Variants in MYH6 observed in about 807,000 individuals in gnomAD.
MYH6 encodes the protein myosin-6.
MYH6 carries 126 observed loss-of-function variants against 223.2 expected under a neutral mutation model. That is an observed-to-expected ratio of 0.56 (90% CI 0.49 to 0.65). The LOEUF is 0.65. MYH6 is among the 30% of genes least tolerant of loss of function. MYH6 has a pLI of 0.00. For synonymous variants in MYH6, 978 were observed against 1,010.2 expected (o/e 0.97, Z 0.61); for missense variants, 2,040 against 2,536.4 (o/e 0.80, Z 4.20).
chr14:23,389,114 ATTCTC>A, intron 28 of MYH6, 59 bp from the exon 29 acceptor site: 1 of 1,526,502 alleles, frequency 6.6e-7, no homozygotes, highest in East Asian at 2.3e-5. Context: ...CATTCTCTAG[ATTCTC>A]TTCTTATGTA....
intron 9 of MYH6, 55 bp downstream of exon 9, chr14:23,403,658 CAG>C: frequency 1.3e-6 from 2 of 1,504,394 alleles, no homozygotes; most frequent in Non-Finnish European, 9.2e-7. Context: ...GGCCGCCAGG[CAG>C]GGAGAGAAGG....
At chr14:23,384,752 C>A (rs2138581877) in intron 35 of MYH6, 35 bp from the exon 36 acceptor site, 2 of 1,614,176 alleles carry the variant, frequency 1.2e-6, no homozygotes, top group Non-Finnish European at 1.7e-6. Context: ...GGAACATGGG[C>A]CAGGGGCCGG....
intron 25 of MYH6, among the ~76,000 whole-genome samples, chr14:23,391,587 G>A (rs1891238007): frequency 6.6e-6 from 1 of 152,218 alleles, no homozygotes; most frequent in African/African-American, 2.4e-5. Context: ...CCTGGGCCAT[G>A]GGCCTCAAGT....
In MYH6 at chr14:23,407,029, A is replaced by G. The variant is rs1891809767; in HGVS notation, c.195T>C (p.Asn65=). ...GGCGCCATGCCCTACTCACCTTCCCATTCTCGGTTTCAGCAATGACCTTGC... is the reference window on the plus strand; with the variant it reads ...GGCGCCATGCCCTACTCACCTTCCCGTTCTCGGTTTCAGCAATGACCTTGC... ...EGGKVIAETE[N]GKTVTVKEDQ... Residue 65 remains asparagine (N), a synonymous_variant, in exon 3 of 39, where the codon AAT becomes AAC. Coordinates refer to ENST00000405093, the MANE Select transcript of MYH6 (RefSeq NM_002471.4). The surrounding 1 kb of genome is among the most constrained non-coding windows in gnomAD (Gnocchi z 5.6). 1 of 1,612,510 alleles carries G rather than the reference A, an allele frequency of 6.2e-7. No individual in the cohort carries two copies. The highest frequency in any genetic ancestry group is 8.5e-7 in the Non-Finnish European group (1 of 1,179,432).
At chr14:23,397,970 C>A (rs548084038) in intron 15 of MYH6, among the ~76,000 whole-genome samples, 1 of 132,400 alleles carries the variant, frequency 7.6e-6, no homozygotes, top group Admixed American at 8.0e-5. Flanking sequence ...TCTTCTTCTT[C>A]TTCTTCTTCT....
At chr14:23,399,155 G>GC (rs1290875333) in intron 14 of MYH6, 118 bp from the exon 15 acceptor site, 2 of 1,246,604 alleles carry the variant, frequency 1.6e-6, no homozygotes, top group Admixed American at 1.9e-5. Flanking sequence ...TGCTGAAGGG[G>GC]CGCTGTGCTG....
chr14:23,388,427 T>A (rs1158660084), intron 29 of MYH6, 89 bp from the exon 30 acceptor site: 5 of 1,568,792 alleles, frequency 3.2e-6, no homozygotes, highest in Non-Finnish European at 4.4e-6. Flanking sequence ...CCTCCCTATA[T>A]CTCCTTGAGA....
chr14:23,399,664 A>T (rs1042812572), intron 14 of MYH6: 4 of 192,114 alleles, frequency 2.1e-5, no homozygotes, highest in African/African-American at 9.5e-5. Flanking sequence ...GCTCTGAAAC[A>T]TGAGAACTCT....
At position 23,396,329 on chromosome 14, in the gene MYH6, C is replaced by T. The variant is rs267606907; in HGVS notation, c.2384G>A (p.Arg795Gln). The T allele has an allele frequency of 2.7e-5, 43 of 1,614,150 alleles. No individual in the cohort carries two copies. The highest frequency in any genetic ancestry group is 6.7e-5 in the East Asian group (3 of 44,874). ...RIITRMQAQA[R>Q]GQLMRIEFKK... ...GAACTCAATGCGCATGAGCTGGCCC[C>T]GGGCTTGGGCCTGCATGCGCGTGAT... The change falls in exon 20 of 39, where the codon CGG (arginine) becomes CAG (glutamine). Residue 795 changes from arginine to glutamine, a missense_variant. Arg to Gln is a conservative substitution (Grantham distance 43, BLOSUM62 1). Transcript: ENST00000405093.
At chr14:23,398,644 G>A (rs1006500790) in intron 15 of MYH6, 84 bp downstream of exon 15, 1 of 1,502,224 alleles carries the variant, frequency 6.7e-7, no homozygotes, top group African/African-American at 1.4e-5. Context: ...CCTGCCTATG[G>A]AGTCATGTGC....
Position 23,392,589 on chromosome 14 carries a change from T to A in MYH6, c.3315A>T (p.Gln1105His). ...GGTTTTCCTTCAGTTTCTTCTGTAG[T>A]TGAAGGGCCAGCACCTGCTCATCCT... The part of the protein sequence containing the change: ...KIEDEQVLAL[Q>H]LQKKLKENQA... Residue 1105 changes from glutamine to histidine, a missense_variant, in exon 25 of 39, where the codon CAA (glutamine) becomes CAT (histidine). Physicochemically the swap from Gln to His is conservative, Grantham distance 24. Coordinates refer to ENST00000405093, the MANE Select transcript of MYH6 (RefSeq NM_002471.4). The A allele has an allele frequency of 6.2e-7, 1 of 1,612,884 alleles. No homozygotes were observed. The highest frequency in any genetic ancestry group is 8.5e-7 in the Non-Finnish European group (1 of 1,179,698).
At chr14:23,395,925 T>C (rs1383902691) in intron 20 of MYH6, among the ~76,000 whole-genome samples, 4 of 152,218 alleles carry the variant, frequency 2.6e-5, no homozygotes, top group African/African-American at 7.2e-5. Context: ...TTCTTAATTT[T>C]TGTCAGTCTA....
Position 23,407,585 on chromosome 14 carries a change from C to G in MYH6, c.-23G>C. 1.7e-6 allele frequency: 2 copies of G among 1,191,036 alleles called. No individual in the cohort carries two copies. The highest frequency in any genetic ancestry group is 2.1e-6 in the Non-Finnish European group (2 of 948,724). The allele number at this position is 1,191,036 out of a possible 1,614,324, so 73.8% of individuals were successfully genotyped here. On this transcript the variant is annotated 5_prime_UTR_variant, in exon 2 of 39. Coordinates refer to ENST00000405093, the MANE Select transcript of MYH6 (RefSeq NM_002471.4). The surrounding 1 kb of genome is among the most constrained non-coding windows in gnomAD (Gnocchi z 5.6). Reference sequence around the variant, plus strand: ...TGGGGGCAGTTCTCACCTGGTTATCCCTTCACGGAGAATCCTGAAGAATCT... The same window carrying G: ...TGGGGGCAGTTCTCACCTGGTTATCGCTTCACGGAGAATCCTGAAGAATCT...
Position 23,382,517 on chromosome 14 carries a change from G to T in MYH6, c.5707C>A (p.His1903Asn), listed in dbSNP as rs774468778. Residue 1903 changes from histidine (H) to asparagine (N), a missense_variant, in exon 38 of 39, where the codon CAT (histidine) becomes AAT (asparagine). Physicochemically the swap from His to Asn is moderately conservative, Grantham distance 68. Around this residue, in one of 4 missense-constraint regions of MYH6, gnomAD observed 1,203 missense variants for 1,400.2 expected, o/e 0.86. Transcript: ENST00000405093. ...CGCTCCTCTGCCTCATCCAGCTCAT[G>T]CTGCACCTTGCGGAACTTGGACAGG... ...TNLSKFRKVQ[H>N]ELDEAEERAD... 1 of 1,614,152 alleles carries T rather than the reference G, an allele frequency of 6.2e-7. No individual in the cohort carries two copies. Among genetic ancestry groups the T allele is most frequent in the East Asian group, 2.2e-5 (1 of 44,880 alleles).
intron 34 of MYH6, among the ~76,000 whole-genome samples, chr14:23,385,321 G>A (rs566103083): frequency 6.6e-6 from 1 of 151,806 alleles, no homozygotes; most frequent in East Asian, 1.9e-4. Context: ...TTACGTAGGA[G>A]CATGACAATA....
Position 23,389,721 on chromosome 14 carries a change from T to C in MYH6, c.3733-2A>G. On this transcript the variant is annotated splice_acceptor_variant, in intron 26 of 38. Coordinates refer to ENST00000405093, the MANE Select transcript of MYH6 (RefSeq NM_002471.4). LOFTEE classifies it high-confidence loss of function. ...CCGAGACACTTTCTCCAGGTTTGCC[T>C]TCAGGAAGCAAGACAGGAAGGGTGA... 1 of 1,613,952 alleles carries C rather than the reference T, an allele frequency of 6.2e-7. No homozygotes were observed. The highest frequency in any genetic ancestry group is 8.5e-7 in the Non-Finnish European group (1 of 1,180,002).
Position 23,384,467 on chromosome 14 carries a change from C to T in MYH6, c.5540G>A (p.Arg1847Gln), listed in dbSNP as rs767679378. 35 of 1,611,700 alleles carry T rather than the reference C, an allele frequency of 2.2e-5. No homozygotes were observed. The highest frequency in any genetic ancestry group is 3.3e-5 in the Admixed American group (2 of 60,012). ...ESVKGMRKSE[R>Q]RIKELTYQTE... ...CTGGTAGGTGAGCTCCTTGATGCGC[C>T]GCTCGCTCTTCCTCATGCCCTTCAC... The change falls in exon 36 of 39, where the codon CGG (arginine) becomes CAG (glutamine). Residue 1847 changes from arginine to glutamine, a missense_variant. Coordinates refer to ENST00000405093, the MANE Select transcript of MYH6 (RefSeq NM_002471.4).
chr14:23,403,709 A>G lies in MYH6; in HGVS notation c.799+6T>C. The G allele has an allele frequency of 6.2e-7, 1 of 1,611,900 alleles. No individual in the cohort carries two copies. On this transcript the variant is annotated splice_donor_region_variant and intron_variant, in intron 9 of 38. Transcript: ENST00000405093. ...AGAGGGTGGCAGCCTCCCTGCTGGTACTCACAGGTCTCTATGTCTGCAGAA... is the reference window on the plus strand; with the variant it reads ...AGAGGGTGGCAGCCTCCCTGCTGGTGCTCACAGGTCTCTATGTCTGCAGAA...
In MYH6 at chr14:23,388,941, T is replaced by C. The variant is rs749409049; in HGVS notation, c.4093A>G (p.Lys1365Glu). The C allele has an allele frequency of 6.2e-7, 1 of 1,613,762 alleles. No homozygotes were observed. The highest frequency in any genetic ancestry group is 1.1e-5 in the South Asian group (1 of 91,054). Reference protein sequence around the residue: ...AKAELQRVLSKANSEVAQWRT... With the variant: ...AKAELQRVLSEANSEVAQWRT... ...CACTGGGCCACCTCCGAGTTGGCCTTGGACAGGACGCGCTGCAGCTCGGCC... is the reference window on the plus strand; with the variant it reads ...CACTGGGCCACCTCCGAGTTGGCCTCGGACAGGACGCGCTGCAGCTCGGCC... The change falls in exon 29 of 39, where the codon AAG (lysine) becomes GAG (glutamate). Residue 1365 changes from lysine (K) to glutamate (E), a missense_variant. Physicochemically the swap from Lys to Glu is moderately conservative, Grantham distance 56. Around this residue, in one of 4 missense-constraint regions of MYH6, gnomAD observed 1,203 missense variants for 1,400.2 expected, o/e 0.86. Coordinates refer to ENST00000405093, the MANE Select transcript of MYH6 (RefSeq NM_002471.4).
Sources: allele counts gnomAD v4.1 joint callset (sites outside exome capture counted in the v4.1 genomes callset), GRCh38; gene constraint gnomAD v4.1.1; regional missense constraint gnomAD v4.1.1; non-coding constraint Gnocchi (gnomAD v3.1); transcripts MANE v1.5; gene names NCBI Gene and HGNC (gene_info 2026-07-23, HGNC 2026-07-21).